STK32B: variants seen among roughly 807,000 people sequenced by gnomAD.
STK32B encodes serine/threonine kinase 32B, also known as serine/threonine-protein kinase 32B.
STK32B carries 43 observed loss-of-function variants against 52.6 expected under a neutral mutation model. The ratio of observed to expected loss-of-function variants is 0.82; its 90% CI spans 0.64 to 1.05. The LOEUF (loss-of-function observed/expected upper bound fraction) is 1.05. STK32B is among the 50% of genes least tolerant of loss of function. The pLI is 0.00. For synonymous variants in STK32B, 238 were observed against 204.3 expected (o/e 1.17, Z -1.41); for missense variants, 621 against 534.6 (o/e 1.16, Z -1.59).
chr4:5,471,511 C>A, intron 11 of STK32B, among the ~76,000 whole-genome samples: 1 of 151,930 alleles, frequency 6.6e-6, no homozygotes, highest in Non-Finnish European at 1.5e-5. Context: ...CCTGCCCACA[C>A]CTTGATTTCA....
At chr4:5,454,736 A>G (rs1382179285) in intron 7 of STK32B, among the ~76,000 whole-genome samples, 3 of 152,032 alleles carry the variant, frequency 2.0e-5, no homozygotes, top group Admixed American at 1.3e-4. Flanking sequence ...GGTCATGTTA[A>G]CAGTCACCAG....
chr4:5,324,890 T>G (rs1388857897), intron 3 of STK32B, among the ~76,000 whole-genome samples: 1 of 152,168 alleles, frequency 6.6e-6, no homozygotes, highest in South Asian at 2.1e-4. Context: ...TAAGCCCAGG[T>G]GAGCACTCAT....
At chr4:5,300,259 C>G (rs1560297235) in intron 3 of STK32B, among the ~76,000 whole-genome samples, 1 of 152,086 alleles carries the variant, frequency 6.6e-6, no homozygotes, top group Non-Finnish European at 1.5e-5. Context: ...CCTCAACTAA[C>G]TAGCCATTGA....
intron 2 of STK32B, among the ~76,000 whole-genome samples, chr4:5,154,968 A>G (rs1278935937): frequency 2.6e-5 from 4 of 152,078 alleles, no homozygotes; most frequent in Non-Finnish European, 5.9e-5. Flanking sequence ...ATGCCAGGCC[A>G]CAAGGTCATG....
At position 5,380,946 on chromosome 4, in the gene STK32B, C is replaced by T. The variant is rs368810261; in HGVS notation, c.435-17261C>T. 6.6e-5 allele frequency among the ~76,000 whole-genome samples: 10 copies of T among 152,286 alleles called. No homozygotes were observed. The South Asian group carries it at 2.1e-3, about 32-fold the overall frequency. ...TCATTATCCTCTCCAGCAGCCCACC[C>T]GTCCTCCCAACTCTCTGGCCCACCG... is the stretch of plus-strand genomic sequence containing the variant. On this transcript the variant is annotated intron_variant, in intron 4 of 11. Coordinates refer to ENST00000282908, the MANE Select transcript of STK32B (RefSeq NM_018401.3). The surrounding 1 kb of genome is among the most constrained non-coding windows in gnomAD (Gnocchi z 4.3).
At chr4:5,157,096 T>C (rs1717915860) in intron 2 of STK32B, among the ~76,000 whole-genome samples, 2 of 152,200 alleles carry the variant, frequency 1.3e-5, no homozygotes, top group African/African-American at 4.8e-5. Context: ...TGAATGTTTG[T>C]AAGGTTCAAT....
At chr4:5,341,453 A>G (rs553383414) in intron 4 of STK32B, among the ~76,000 whole-genome samples, 2 of 152,344 alleles carry the variant, frequency 1.3e-5, no homozygotes, top group South Asian at 4.1e-4. Context: ...GTCCCTGACC[A>G]CATTTTATCT....
At chr4:5,473,149 A>G (rs943445276) in intron 11 of STK32B, among the ~76,000 whole-genome samples, 1 of 152,204 alleles carries the variant, frequency 6.6e-6, no homozygotes, top group African/African-American at 2.4e-5. Flanking sequence ...CCCGTCTCCT[A>G]GTTCCCAGGC....
At chr4:5,163,854 A>G (rs1718650378) in intron 2 of STK32B, among the ~76,000 whole-genome samples, 2 of 152,270 alleles carry the variant, frequency 1.3e-5, no homozygotes, top group South Asian at 4.1e-4. Context: ...CCATGGAGAG[A>G]GGACACTTTG....
At chr4:5,200,336 C>T (rs1200524353) in intron 3 of STK32B, among the ~76,000 whole-genome samples, 1 of 151,226 alleles carries the variant, frequency 6.6e-6, no homozygotes, top group Non-Finnish European at 1.5e-5. Context: ...TTTTTATCCT[C>T]ATTTTGTTTT....
chr4:5,307,972 G>A (rs1730040508), intron 3 of STK32B, among the ~76,000 whole-genome samples: 1 of 152,132 alleles, frequency 6.6e-6, no homozygotes, highest in Admixed American at 6.6e-5. Context: ...GTTCTATGAT[G>A]TGATCCATCT....
At chr4:5,064,782 A>C (rs1377370489) in intron 1 of STK32B, among the ~76,000 whole-genome samples, 2 of 120,820 alleles carry the variant, frequency 1.7e-5, no homozygotes, top group Non-Finnish European at 3.4e-5. Flanking sequence ...ATACATATAT[A>C]ATATATAAAT....
At chr4:5,452,675 T>C (rs534993090) in intron 7 of STK32B, among the ~76,000 whole-genome samples, 6 of 152,012 alleles carry the variant, frequency 3.9e-5, no homozygotes, top group Non-Finnish European at 7.4e-5. Flanking sequence ...GAAAAAAAAA[T>C]TGGATTAGAT....
In STK32B at chr4:5,380,025, A is replaced by G. The variant is rs1182938896; in HGVS notation, c.435-18182A>G. ...CTGCAGCTGTAGCTACCACCGTCAGAGACAGGCCCTGAGGAAAACCACTGC... is the reference window on the plus strand; with the variant it reads ...CTGCAGCTGTAGCTACCACCGTCAGGGACAGGCCCTGAGGAAAACCACTGC... On this transcript the variant is annotated intron_variant, in intron 4 of 11. Transcript: ENST00000282908. The surrounding 1 kb of genome is among the most constrained non-coding windows in gnomAD (Gnocchi z 4.3). Among the ~76,000 whole-genome samples the G allele has an allele frequency of 6.6e-6, 1 of 152,264 alleles. No individual in the cohort carries two copies. The highest frequency in any genetic ancestry group is 2.1e-4 in the South Asian group (1 of 4,824).
intron 1 of STK32B, among the ~76,000 whole-genome samples, chr4:5,100,569 C>G (rs901940850): frequency 7.4e-6 from 1 of 135,766 alleles, no homozygotes; most frequent in African/African-American, 2.8e-5. Context: ...CTTCCTTCCT[C>G]CTCCCTTGCC....
intron 4 of STK32B, among the ~76,000 whole-genome samples, chr4:5,346,354 G>C (rs1733457636): frequency 6.6e-6 from 1 of 152,140 alleles, no homozygotes; most frequent in Non-Finnish European, 1.5e-5. Context: ...TCAAACAGTG[G>C]CTTTAGTGGC....
At chr4:5,440,163 G>C (rs979748897) in intron 6 of STK32B, among the ~76,000 whole-genome samples, 4 of 152,134 alleles carry the variant, frequency 2.6e-5, no homozygotes, top group Non-Finnish European at 5.9e-5. Flanking sequence ...AGCTTGATGG[G>C]GATGGCATTG....
chr4:5,178,617 G>C lies in STK32B; in HGVS notation c.260+10167G>C, dbSNP rs181660993. 4.6e-5 allele frequency among the ~76,000 whole-genome samples: 7 copies of C among 152,226 alleles called. No homozygotes were observed. The East Asian group carries it at 1.4e-3, about 29-fold the overall frequency. ...AAACGTTTATGCTCTGCATCCTCTT[G>C]AACATTTTGCTGCTTAGAAATTTCT... is the stretch of plus-strand genomic sequence containing the variant. On this transcript the variant is annotated intron_variant, in intron 3 of 11. Coordinates refer to ENST00000282908, the MANE Select transcript of STK32B (RefSeq NM_018401.3).
chr4:5,271,899 A>T (rs113751911), intron 3 of STK32B, among the ~76,000 whole-genome samples: 4,311 of 128,152 alleles, frequency 0.034, 233 homozygotes, highest in African/African-American at 0.13. Context: ...TTAAGGAGAT[A>T]TTGGGCTGAG....
Sources: allele counts gnomAD v4.1 joint callset (sites outside exome capture counted in the v4.1 genomes callset), GRCh38; gene constraint gnomAD v4.1.1; non-coding constraint Gnocchi (gnomAD v3.1); transcripts MANE v1.5; gene names NCBI Gene and HGNC (gene_info 2026-07-23, HGNC 2026-07-21).